Variants in ZFAT observed in about 807,000 individuals in gnomAD.
ZFAT encodes the protein zinc finger protein ZFAT.
In ZFAT, 64 loss-of-function variants were observed where a neutral mutation model predicts 117.7. The ratio of observed to expected loss-of-function variants is 0.54; its 90% confidence interval spans 0.44 to 0.67. The LOEUF (loss-of-function observed/expected upper bound fraction) is 0.67. Among genes scored for constraint, ZFAT ranks in the 30% least tolerant of loss-of-function variants. ZFAT has a pLI of 0.00. For synonymous variants in ZFAT, 679 were observed against 615.0 expected (o/e 1.10, Z -1.54); for missense variants, 1,433 against 1,584.5 (o/e 0.90, Z 1.62).
chr8:134,565,747 G>C, intron 10 of ZFAT: 1 of 404,554 alleles, frequency 2.5e-6, no homozygotes, highest in Non-Finnish European at 4.6e-6. Flanking sequence ...CAAGGGAGAG[G>C]GGCACACACA....
At chr8:134,802,291 A>T in the ZFAT span, among the ~76,000 whole-genome samples, 2 of 152,226 alleles carry the variant, frequency 1.3e-5, no homozygotes, top group African/African-American at 4.8e-5. Flanking sequence ...TAAAAAAAAG[A>T]AACAAAAATA....
intron 3 of ZFAT, among the ~76,000 whole-genome samples, chr8:134,637,240 C>T (rs1342816782): frequency 6.6e-6 from 1 of 152,274 alleles, no homozygotes; most frequent in Non-Finnish European, 1.5e-5. Flanking sequence ...AAGCAGTCCC[C>T]TGACCTGCAT....
intron 1 of ZFAT, among the ~76,000 whole-genome samples, chr8:134,660,165 G>A (rs1299213914): frequency 6.6e-6 from 1 of 152,172 alleles, no homozygotes; most frequent in African/African-American, 2.4e-5. Context: ...GGCAGAAAGG[G>A]TTTGTAATCC....
At chr8:134,677,594 G>A (rs1437968204) in intron 1 of ZFAT, among the ~76,000 whole-genome samples, 1 of 152,158 alleles carries the variant, frequency 6.6e-6, no homozygotes, top group African/African-American at 2.4e-5. Context: ...CTCATTTTAT[G>A]AGGCCAGCAT....
chr8:134,810,896 G>A, the ZFAT span, among the ~76,000 whole-genome samples: 1 of 152,074 alleles, frequency 6.6e-6, no homozygotes, highest in Non-Finnish European at 1.5e-5. Context: ...GAGTACAACA[G>A]AGTTCTTCAG....
At chr8:134,639,862 C>G in intron 2 of ZFAT, 1 of 441,392 alleles carries the variant, frequency 2.3e-6, no homozygotes, top group Admixed American at 2.5e-5. Context: ...GTGACAGACT[C>G]TGCCATCCCG....
intron 1 of ZFAT, among the ~76,000 whole-genome samples, chr8:134,681,480 A>G (rs10505627): frequency 0.35 from 52,860 of 152,136 alleles, 9,533 homozygotes; most frequent in South Asian, 0.43. Flanking sequence ...TAAGTGCTAG[A>G]TGATCTGATT....
chr8:134,749,480 G>A, the ZFAT span, among the ~76,000 whole-genome samples: 1 of 152,266 alleles, frequency 6.6e-6, no homozygotes, highest in South Asian at 2.1e-4. Flanking sequence ...GGGAGCTCAA[G>A]CCTCATTTAT....
At chr8:134,572,427 C>A (rs1824987577) in intron 10 of ZFAT, among the ~76,000 whole-genome samples, 1 of 152,172 alleles carries the variant, frequency 6.6e-6, no homozygotes, top group South Asian at 2.1e-4. Context: ...TGCACACAAA[C>A]CAGAAGACAG....
In ZFAT at chr8:134,512,491, T is replaced by C; in HGVS notation, c.3345A>G (p.Arg1115=). The change falls in exon 14 of 16, where the codon AGA becomes AGG. Residue 1115 remains arginine, a synonymous_variant. Transcript: ENST00000377838. ...CGTCCTCACCACTCTCAGAGGTGTA[T>C]CTCAGGTCCTGGAGCGCGGCCACCG... ...QAAVAALQDL[R]YTSESGDRLD... 6.2e-7 allele frequency: 1 copy of C among 1,614,004 alleles called. No individual in the cohort carries two copies. Among genetic ancestry groups the C allele is most frequent in the Non-Finnish European group, 8.5e-7 (1 of 1,179,882 alleles).
chr8:134,763,246 T>A, the ZFAT span, among the ~76,000 whole-genome samples: 1 of 152,208 alleles, frequency 6.6e-6, no homozygotes, highest in African/African-American at 2.4e-5. Context: ...CCATCAACTA[T>A]AAGGCCTTAA....
intron 1 of ZFAT, among the ~76,000 whole-genome samples, chr8:134,678,157 T>G (rs1347326222): frequency 6.6e-6 from 1 of 152,202 alleles, no homozygotes; most frequent in African/African-American, 2.4e-5. Flanking sequence ...GAAGTCAAAT[T>G]GTCTCTGTTT....
At chr8:134,701,705 G>T (rs1269231718) in intron 1 of ZFAT, among the ~76,000 whole-genome samples, 1 of 152,182 alleles carries the variant, frequency 6.6e-6, no homozygotes, top group Non-Finnish European at 1.5e-5. Context: ...ATACGACCTT[G>T]AGATTAGTCC....
chr8:134,479,026 G>A (rs1010183218), intron 15 of ZFAT, among the ~76,000 whole-genome samples: 4 of 152,216 alleles, frequency 2.6e-5, no homozygotes, highest in Admixed American at 1.3e-4. Flanking sequence ...TCCAGGAGGT[G>A]TGGGGTTACC....
chr8:134,580,537 C>T (rs1825644292), intron 10 of ZFAT, among the ~76,000 whole-genome samples: 1 of 151,972 alleles, frequency 6.6e-6, no homozygotes, highest in Admixed American at 6.6e-5. Context: ...TGAAGTTTAT[C>T]CAAAGGAATA....
In ZFAT at chr8:134,602,775, T is replaced by C. The variant is rs749262735; in HGVS notation, c.944A>G (p.Asn315Ser). ...TCCAGTGTGCTTGCGCAGGTGCACATTGAGGTTGGCCTTGATGGCACTGGC... is the reference window on the plus strand; with the variant it reads ...TCCAGTGTGCTTGCGCAGGTGCACACTGAGGTTGGCCTTGATGGCACTGGC... ...SYASAIKANL[N>S]VHLRKHTGEK... The change falls in exon 6 of 16, where the codon AAT becomes AGT. Residue 315 changes from asparagine to serine, a missense_variant. Transcript: ENST00000377838. 28 of 1,614,074 alleles carry C rather than the reference T, an allele frequency of 1.7e-5. No individual in the cohort carries two copies. Among genetic ancestry groups the C allele is most frequent in the African/African-American group, 1.1e-4 (8 of 74,926 alleles).
At chr8:134,783,461 C>T in the ZFAT span, among the ~76,000 whole-genome samples, 4 of 152,200 alleles carry the variant, frequency 2.6e-5, no homozygotes, top group South Asian at 2.1e-4. Flanking sequence ...AGTTTCATCC[C>T]GACACCTCCC....
chr8:134,557,876 C>T (rs1823767600), intron 11 of ZFAT, among the ~76,000 whole-genome samples: 1 of 152,140 alleles, frequency 6.6e-6, no homozygotes, highest in Admixed American at 6.5e-5. Context: ...CACACAGACA[C>T]AAAAAAGAAC....
At chr8:134,584,808 C>T (rs557773132) in intron 9 of ZFAT, among the ~76,000 whole-genome samples, 51 of 151,856 alleles carry the variant, frequency 3.4e-4, no homozygotes, top group Non-Finnish European at 6.0e-4. Context: ...GGAAAGAGGG[C>T]GGGGAACAAA....
Sources: allele counts gnomAD v4.1 joint callset (sites outside exome capture counted in the v4.1 genomes callset), GRCh38; gene constraint gnomAD v4.1.1; transcripts MANE v1.5; gene names NCBI Gene and HGNC (gene_info 2026-07-23, HGNC 2026-07-21).